The following XDH variants were observed in gnomAD, a reference collection of about 807,000 sequenced individuals.
XDH encodes the protein xanthine dehydrogenase.
A neutral mutation model predicts 156.1 loss-of-function variants in XDH; 138 were observed. The ratio of observed to expected loss-of-function variants is 0.88; its 90% CI spans 0.77 to 1.02. The LOEUF is 1.02. Ranked by LOEUF, XDH falls within the 50% of genes least tolerant of loss-of-function variation. XDH has a pLI of 0.00. For synonymous variants in XDH, 669 were observed against 625.7 expected, an observed-to-expected ratio of 1.07 and a Z score of -1.03; for missense variants, 1,849 against 1,684.9, an observed-to-expected ratio of 1.10 and a Z score of -1.71.
At chr2:31,350,314 T>C in intron 24 of XDH, 91 bp from the exon 25 acceptor site, 1 of 1,305,814 alleles carries the variant, frequency 7.7e-7, no homozygotes, top group Non-Finnish European at 1.1e-6. Flanking sequence ...ATCCATTGCC[T>C]GCCTTTCCCC....
chr2:31,357,692 A>C (rs2148761778), intron 24 of XDH, among the ~76,000 whole-genome samples: 1 of 152,126 alleles, frequency 6.6e-6, no homozygotes, highest in Non-Finnish European at 1.5e-5. Context: ...ATATTTAAAA[A>C]TAAATAAGAG....
intron 1 of XDH, among the ~76,000 whole-genome samples, chr2:31,411,260 G>A (rs540797444): frequency 1.9e-4 from 28 of 146,840 alleles, no homozygotes; most frequent in Non-Finnish European, 2.5e-4. Context: ...CAGCCTGGGC[G>A]ACACAGTGAA....
At chr2:31,372,066 G>A (rs530734011) in intron 17 of XDH, among the ~76,000 whole-genome samples, 162 bp downstream of exon 17, 45 of 152,302 alleles carry the variant, frequency 3.0e-4, no homozygotes, top group African/African-American at 1.0e-3. Context: ...ATAATAATAG[G>A]ACCTGCCTAT....
At chr2:31,396,679 A>C (rs1468731676) in intron 6 of XDH, among the ~76,000 whole-genome samples, 1 of 152,190 alleles carries the variant, frequency 6.6e-6, no homozygotes, top group Non-Finnish European at 1.5e-5. Context: ...AATAGAAACA[A>C]GGAGACTTGC....
Position 31,335,857 on chromosome 2 carries a change from G to A in XDH, c.*101C>T, listed in dbSNP as rs1272000133. 1 of 1,342,636 alleles carries A rather than the reference G, an allele frequency of 7.4e-7. No homozygotes were observed. The highest frequency in any genetic ancestry group is 1.4e-5 in the African/African-American group (1 of 69,520). The allele number at this position is 1,342,636 out of a possible 1,614,324, so 83.2% of individuals were successfully genotyped here. ...TCCCATCTTGACAAATCACAGGTCT[G>A]TCATTCTGTGACTTTAATAGATCCA... On this transcript the variant is annotated 3_prime_UTR_variant, in exon 36 of 36. Coordinates refer to ENST00000379416, the MANE Select transcript of XDH (RefSeq NM_000379.4).
In XDH at chr2:31,386,571, T is replaced by G; in HGVS notation, c.652-16A>C. The G allele has an allele frequency of 6.2e-7, 1 of 1,614,158 alleles. No homozygotes were observed. The highest frequency in any genetic ancestry group is 1.3e-5 in the African/African-American group (1 of 75,056). On this transcript the variant is annotated splice_polypyrimidine_tract_variant and intron_variant, in intron 8 of 35. Coordinates refer to ENST00000379416, the MANE Select transcript of XDH (RefSeq NM_000379.4). ...CTTTCAGCCTCTGGGAAATGCAGTT[T>G]TCTTACTACACTGTCTCCCTCTTCC... is the stretch of plus-strand genomic sequence containing the variant.
chr2:31,401,407 A>G (rs1687055540), intron 3 of XDH, 79 bp from the exon 4 acceptor site: 1 of 1,456,130 alleles, frequency 6.9e-7, no homozygotes, highest in African/African-American at 1.4e-5. Context: ...GCTCTGGAGG[A>G]CTTTGTGAGG....
At position 31,383,800 on chromosome 2, in the gene XDH, G is replaced by A. The variant is rs1407451132; in HGVS notation, c.841C>T (p.Pro281Ser). ...KNMLFPMIVC[P>S]AWIPELNSVE... ...GAATTCAGCTCAGGGATCCAGGCTG[G>A]GCAGACAATCATAGGAAACAGCATA... The change falls in exon 10 of 36, where the codon CCA (proline) becomes TCA (serine). Residue 281 changes from proline (P) to serine (S), a missense_variant. Coordinates refer to ENST00000379416, the MANE Select transcript of XDH (RefSeq NM_000379.4). The A allele has an allele frequency of 6.8e-6, 11 of 1,614,102 alleles. No homozygotes were observed. The highest frequency in any genetic ancestry group is 8.5e-6 in the Non-Finnish European group (10 of 1,180,032).
chr2:31,397,784 G>A, intron 5 of XDH, 55 bp from the exon 6 acceptor site: 2 of 1,607,080 alleles, frequency 1.2e-6, no homozygotes. Context: ...GATGGGTGAG[G>A]AGTTTGTGAC....
chr2:31,375,458 C>T lies in XDH; in HGVS notation c.1524G>A (p.Arg508=), dbSNP rs753341079. The T allele has an allele frequency of 3.1e-6, 5 of 1,614,074 alleles. No homozygotes were observed. The South Asian group carries it at 3.3e-5, about 11-fold the overall frequency. ...PDAPGGMVDF[R]CTLTLSFFFK... ...AGAAGAAGCTGAGGGTGAGGGTGCA[C>T]CGGAAGTCCACCATGCCACCAGGGG... Residue 508 remains arginine (R), a synonymous_variant, in exon 15 of 36, where the codon CGG becomes CGA. Coordinates refer to ENST00000379416, the MANE Select transcript of XDH (RefSeq NM_000379.4).
rs541042587 is a variant in XDH, at chr2:31,398,184, G to A, written c.433+389C>T. ...TTCAATTCAGAGAAGCAGACACATT[G>A]GTGGTCTTGGCCCTGCAGAATCCTG... On this transcript the variant is annotated intron_variant, in intron 5 of 35. Transcript: ENST00000379416. Among the ~76,000 whole-genome samples, 12 of 152,286 alleles carry A rather than the reference G, an allele frequency of 7.9e-5. No homozygotes were observed. The South Asian group carries it at 2.5e-3, about 32-fold the overall frequency.
chr2:31,401,143 T>A, intron 4 of XDH, 77 bp downstream of exon 4: 2 of 1,535,102 alleles, frequency 1.3e-6, no homozygotes, highest in Non-Finnish European at 1.8e-6. Flanking sequence ...CCAAAGCAAG[T>A]CTGCAACTTT....
rs780614997 is a variant in XDH, at chr2:31,398,577, G to C, written c.429C>G (p.Phe143Leu). Residue 143 changes from phenylalanine (F) to leucine (L), a missense_variant, in exon 5 of 36, where the codon TTC (phenylalanine) becomes TTG (leucine). Coordinates refer to ENST00000379416, the MANE Select transcript of XDH (RefSeq NM_000379.4). ...GCTGTGCCTGAAGGCCCATACCTTG[G>C]AAGGCATTCTCAATCTCCTCCATGG... ...EPTMEEIENAFQGNLCRCTGY... is the reference protein window; with the variant it reads ...EPTMEEIENALQGNLCRCTGY... 17 of 1,613,976 alleles carry C rather than the reference G, an allele frequency of 1.1e-5. No homozygotes were observed. The African/African-American group carries it at 2.0e-4, about 19-fold the overall frequency.
At chr2:31,406,213 G>C (rs1034861671) in intron 1 of XDH, among the ~76,000 whole-genome samples, 2 of 152,116 alleles carry the variant, frequency 1.3e-5, no homozygotes, top group African/African-American at 4.8e-5. Context: ...CCCCTTAGTT[G>C]TGAATTAGTT....
At chr2:31,413,632 T>C (rs986025815) in intron 1 of XDH, among the ~76,000 whole-genome samples, 1 of 152,148 alleles carries the variant, frequency 6.6e-6, no homozygotes, top group African/African-American at 2.4e-5. Flanking sequence ...CAAAATTACA[T>C]CAAAAGTTTC....
rs45540539 is a variant in XDH at position 31,380,542 on chromosome 2, G to A, written c.1133-566C>T. On this transcript the variant is annotated intron_variant, in intron 12 of 35. Transcript: ENST00000379416. Reference sequence around the variant, plus strand: ...ATGAGCTCCCAAGAAAACCTCTGTCGCTGAGCCTCTAACAAGCTTTCCTGG... The same window carrying A: ...ATGAGCTCCCAAGAAAACCTCTGTCACTGAGCCTCTAACAAGCTTTCCTGG... 2.9e-3 allele frequency among the ~76,000 whole-genome samples: 443 copies of A among 152,318 alleles called. 2 individuals are homozygous for A. Among genetic ancestry groups the A allele is most frequent in the African/African-American group, 0.01 (420 of 41,564 alleles).
intron 1 of XDH, among the ~76,000 whole-genome samples, chr2:31,409,575 T>C (rs940519655): frequency 1.3e-5 from 2 of 152,098 alleles, no homozygotes; most frequent in African/African-American, 4.8e-5. Flanking sequence ...AAAACCCAAT[T>C]CAAAAATGGG....
intron 23 of XDH, among the ~76,000 whole-genome samples, chr2:31,364,563 C>T (rs772635176): frequency 1.8e-4 from 28 of 151,888 alleles, no homozygotes; most frequent in African/African-American, 6.3e-4. Flanking sequence ...AGGCTGGTCA[C>T]GATAGGGCGG....
chr2:31,340,411 C>A (rs756239385), intron 33 of XDH, among the ~76,000 whole-genome samples: 9 of 152,190 alleles, frequency 5.9e-5, no homozygotes, highest in Non-Finnish European at 1.0e-4. Flanking sequence ...CTACCAGATG[C>A]TCAGTCTTGA....
Sources: allele counts gnomAD v4.1 joint callset (sites outside exome capture counted in the v4.1 genomes callset), GRCh38; gene constraint gnomAD v4.1.1; transcripts MANE v1.5; gene names NCBI Gene and HGNC (gene_info 2026-07-23, HGNC 2026-07-21).